COL11A1: variants seen among roughly 807,000 people sequenced by gnomAD.
The protein encoded by COL11A1 is collagen type XI alpha 1 chain, also known as collagen alpha-1(XI) chain.
COL11A1 carries 74 observed loss-of-function variants against 265.2 expected under a neutral mutation model. That is an observed-to-expected ratio of 0.28 (90% CI 0.23 to 0.34). The LOEUF is 0.34. COL11A1 is among the 10% of genes least tolerant of loss of function. COL11A1 has a pLI of 1.00. For synonymous variants in COL11A1, 816 were observed against 727.6 expected (o/e 1.12, Z -1.96); for missense variants, 2,165 against 2,263.6 (o/e 0.96, Z 0.88).
intron 25 of COL11A1, among the ~76,000 whole-genome samples, chr1:102,997,714 T>A (rs550649214): frequency 1.2e-4 from 19 of 152,040 alleles, no homozygotes; most frequent in African/African-American, 4.6e-4. Context: ...AGGAAAAAAA[T>A]CTGTAAATAA....
chr1:102,931,994 G>A (rs545089236), intron 46 of COL11A1, among the ~76,000 whole-genome samples: 6 of 150,050 alleles, frequency 4.0e-5, no homozygotes, highest in East Asian at 1.9e-4. Flanking sequence ...GTCTCTGCAC[G>A]TGAGATGGGT....
chr1:103,051,344 T>A (rs1008889149), intron 4 of COL11A1, among the ~76,000 whole-genome samples: 3 of 152,154 alleles, frequency 2.0e-5, no homozygotes, highest in African/African-American at 7.2e-5. Context: ...TGCAGTTTGA[T>A]CTCAGACTGC....
chr1:103,039,578 A>C (rs1430463640), intron 4 of COL11A1, among the ~76,000 whole-genome samples: 1 of 150,666 alleles, frequency 6.6e-6, no homozygotes, highest in East Asian at 2.0e-4. Context: ...TTCCAAGCCA[A>C]GGCAAGAACG....
At chr1:103,009,835 G>T (rs1488187921) in intron 14 of COL11A1, among the ~76,000 whole-genome samples, 1 of 152,002 alleles carries the variant, frequency 6.6e-6, no homozygotes, top group Non-Finnish European at 1.5e-5. Flanking sequence ...AAAATTAAGA[G>T]AATAATGACT....
At chr1:102,970,885 A>G (rs1661907502) in intron 36 of COL11A1, among the ~76,000 whole-genome samples, 1 of 152,092 alleles carries the variant, frequency 6.6e-6, no homozygotes, top group Admixed American at 6.6e-5. Flanking sequence ...GTGGTGGCAC[A>G]CGCCTGTAGT....
chr1:102,952,036 C>T (rs1319459292), intron 41 of COL11A1, among the ~76,000 whole-genome samples: 3 of 151,988 alleles, frequency 2.0e-5, no homozygotes, highest in African/African-American at 7.3e-5. Flanking sequence ...ATTATTTTAA[C>T]ATATATCAAG....
At chr1:102,960,414 C>T (rs1441480145) in intron 41 of COL11A1, among the ~76,000 whole-genome samples, 1 of 151,460 alleles carries the variant, frequency 6.6e-6, no homozygotes, top group Non-Finnish European at 1.5e-5. Flanking sequence ...CAGCCTAATG[C>T]GAGAGACAGC....
intron 4 of COL11A1, among the ~76,000 whole-genome samples, chr1:103,047,251 C>T (rs1347584711): frequency 6.6e-6 from 1 of 152,104 alleles, no homozygotes; most frequent in Admixed American, 6.6e-5. Context: ...ATGGAATGTT[C>T]TTCCATTTGT....
intron 9 of COL11A1, 152 bp downstream of exon 9, chr1:103,021,555 G>A: frequency 1.6e-6 from 1 of 643,912 alleles, no homozygotes; most frequent in Non-Finnish European, 2.8e-6. Flanking sequence ...TTCTAGACAA[G>A]ACCTTATTAA....
chr1:102,882,741 G>A (rs897497737), intron 64 of COL11A1, among the ~76,000 whole-genome samples: 2 of 152,088 alleles, frequency 1.3e-5, no homozygotes, highest in African/African-American at 4.8e-5. Context: ...ATAATGTTAG[G>A]TAAAAATTAA....
chr1:103,079,582 AT>A (rs967421417), intron 2 of COL11A1, among the ~76,000 whole-genome samples: 1 of 152,086 alleles, frequency 6.6e-6, no homozygotes, highest in African/African-American at 2.4e-5. Flanking sequence ...TACCCTAAGT[AT>A]ATCTCAAATA....
chr1:103,038,300 CAA>C (rs1431504251), intron 4 of COL11A1, among the ~76,000 whole-genome samples: 2 of 151,782 alleles, frequency 1.3e-5, no homozygotes, highest in African/African-American at 2.4e-5. Flanking sequence ...CATTCTCCAC[CAA>C]AAAAATACGA....
intron 44 of COL11A1, among the ~76,000 whole-genome samples, chr1:102,938,659 GTATT>G (rs1658400561): frequency 2.0e-5 from 3 of 151,972 alleles, no homozygotes; most frequent in South Asian, 2.1e-4. Context: ...TTTAAAATAA[GTATT>G]TATAACATAT....
chr1:103,005,690 C>T (rs1557934154), intron 18 of COL11A1, 148 bp downstream of exon 18: 1 of 792,086 alleles, frequency 1.3e-6, no homozygotes, highest in Non-Finnish European at 2.1e-6. Flanking sequence ...GTAATTTTAC[C>T]TATTTTCCTT....
chr1:102,894,462 AG>A (rs1369207269), intron 57 of COL11A1, among the ~76,000 whole-genome samples: 3 of 152,114 alleles, frequency 2.0e-5, no homozygotes, highest in African/African-American at 7.2e-5. Context: ...TAAGCCTAGA[AG>A]GACAAGGTTG....
At chr1:102,912,325 T>C in intron 53 of COL11A1, 113 bp from the exon 54 acceptor site, 1 of 785,732 alleles carries the variant, frequency 1.3e-6, no homozygotes, top group Non-Finnish European at 2.1e-6. Flanking sequence ...CACATGTCAA[T>C]ATTTCCTGGA....
Position 103,022,825 on chromosome 1 carries a change from C to G in COL11A1, c.1162G>C (p.Glu388Gln). ...LGEYDFYEYKEYEDKPTSPPN... is the reference protein window; with the variant it reads ...LGEYDFYEYKQYEDKPTSPPN... The stretch of plus-strand genomic sequence containing the variant: ...GGGCTTGTTGGTTTATCTTCATATT[C>G]TTTATATTCATAAAAATCATATTCG... Residue 388 changes from glutamate (E) to glutamine (Q), a missense_variant, in exon 8 of 67, where the codon GAA (glutamate) becomes CAA (glutamine). By Grantham distance (29) the Glu-to-Gln change is conservative (BLOSUM62 2). Transcript: ENST00000370096. 1.2e-6 allele frequency: 2 copies of G among 1,613,702 alleles called. No homozygotes were observed. Among genetic ancestry groups the G allele is most frequent in the Non-Finnish European group, 1.7e-6 (2 of 1,179,802 alleles).
chr1:102,944,849 T>A (rs1443270967), intron 42 of COL11A1, among the ~76,000 whole-genome samples: 1 of 152,146 alleles, frequency 6.6e-6, no homozygotes, highest in Non-Finnish European at 1.5e-5. Flanking sequence ...TTGTGCAAAA[T>A]ATGTGTTCCC....
Position 103,025,588 on chromosome 1 carries a change from T to A in COL11A1, c.923A>T (p.Glu308Val), listed in dbSNP as rs753793345. 6.2e-7 allele frequency: 1 copy of A among 1,613,760 alleles called. No individual in the cohort carries two copies. Among genetic ancestry groups the A allele is most frequent in the Admixed American group, 1.7e-5 (1 of 60,016 alleles). Residue 308 changes from glutamate to valine, a missense_variant, in exon 7 of 67, where the codon GAA (glutamate) becomes GTA (valine). Coordinates refer to ENST00000370096, the MANE Select transcript of COL11A1 (RefSeq NM_001854.4). ...TEANIVDDFQ[E>V]YNYGTMESYQ... Reference sequence around the variant, plus strand: ...ACTTTCCATTGTTCCATAGTTGTATTCTTGAAAATCATCAACGATGTTTGC... The same window carrying A: ...ACTTTCCATTGTTCCATAGTTGTATACTTGAAAATCATCAACGATGTTTGC...
Sources: allele counts gnomAD v4.1 joint callset (sites outside exome capture counted in the v4.1 genomes callset), GRCh38; gene constraint gnomAD v4.1.1; transcripts MANE v1.5; gene names NCBI Gene and HGNC (gene_info 2026-07-23, HGNC 2026-07-21).